Variants in TBC1D26 observed in about 807,000 individuals in gnomAD.
TBC1D26 encodes the protein TBC1 domain family, member 26.
Under a neutral mutation model 42.5 loss-of-function variants are expected in TBC1D26, and 19 were observed. The ratio of observed to expected loss-of-function variants is 0.45; its 90% CI spans 0.31 to 0.66. The LOEUF (loss-of-function observed/expected upper bound fraction) is 0.66, where lower values mean the gene tolerates loss of function less well. Among genes scored for constraint, TBC1D26 ranks in the 30% least tolerant of loss-of-function variants. The probability of loss-of-function intolerance (pLI) is 0.06; values close to 1 mark genes in which losing one functional copy is unlikely to be tolerated. For synonymous variants in TBC1D26, 97 were observed against 123.5 expected (o/e 0.79, Z 1.42); for missense variants, 228 against 332.6 (o/e 0.69, Z 2.45).
chr17:15,739,217 C>T (rs970050023), intron 8 of TBC1D26, among the ~76,000 whole-genome samples: 9 of 150,920 alleles, frequency 6.0e-5, no homozygotes, highest in Non-Finnish European at 1.3e-4. Context: ...GGATGCGGGG[C>T]CCCGGAAACT....
chr17:15,736,235 C>T (rs1299331815), intron 4 of TBC1D26, among the ~76,000 whole-genome samples: 3 of 152,266 alleles, frequency 2.0e-5, no homozygotes, highest in South Asian at 2.1e-4. Flanking sequence ...AACTGAAGGC[C>T]CCGGGAGTGG....
intron 5 of TBC1D26, 103 bp from the exon 6 acceptor site, chr17:15,737,894 C>T: frequency 6.7e-7 from 1 of 1,486,998 alleles, no homozygotes; most frequent in East Asian, 2.3e-5. Flanking sequence ...CTGGCTTCTT[C>T]AAGTTGGGTC....
In TBC1D26 at chr17:15,744,292, A is replaced by G. The variant is rs1030616614; in HGVS notation, c.1107A>G (p.Gln369=). 1 of 152,210 alleles carries G rather than the reference A, an allele frequency of 6.6e-6. No individual in the cohort carries two copies. The allele number at this position is 152,210 out of a possible 1,614,324, so 9.4% of individuals were successfully genotyped here. A position where few individuals can be genotyped will look rare whatever the true frequency, so the allele number is the denominator to read the frequency against. The change falls in exon 15 of 15, where the codon CAA becomes CAG. Residue 369 remains glutamine, a synonymous_variant. Transcript: ENST00000437605. The part of the protein sequence containing the change: ...AHCYTIAWGL[Q]SKAGKDSCTS... ...GCTATACCATAGCCTGGGGCTTGCAATCCAAGGCTGGCAAGGATTCCTGCA... is the reference window on the plus strand; with the variant it reads ...GCTATACCATAGCCTGGGGCTTGCAGTCCAAGGCTGGCAAGGATTCCTGCA...
intron 9 of TBC1D26, 34 bp downstream of exon 9, chr17:15,740,182 A>T: frequency 6.2e-7 from 1 of 1,614,070 alleles, no homozygotes; most frequent in Non-Finnish European, 8.5e-7. Context: ...TTCCTGGGAC[A>T]TGTGCCCATA....
intron 14 of TBC1D26, chr17:15,743,761 T>C (rs550666681): frequency 2.6e-5 from 4 of 152,380 alleles, no homozygotes; most frequent in African/African-American, 9.6e-5. Flanking sequence ...ATCCAGACAA[T>C]CCTGGCTAAC....
chr17:15,739,649 G>C (rs547600610), intron 8 of TBC1D26, among the ~76,000 whole-genome samples: 1 of 152,286 alleles, frequency 6.6e-6, no homozygotes, highest in Non-Finnish European at 1.5e-5. Flanking sequence ...CATAGAGACA[G>C]AGAACAGATC....
At chr17:15,743,574 G>T in intron 14 of TBC1D26, 58 bp downstream of exon 14, 3 of 758,870 alleles carry the variant, frequency 4.0e-6, no homozygotes, top group East Asian at 1.2e-4. Context: ...CAATGGTGGG[G>T]AGTGCCGTGG....
At chr17:15,741,878 C>T in intron 10 of TBC1D26, 64 bp from the exon 11 acceptor site, 1 of 1,551,770 alleles carries the variant, frequency 6.4e-7, no homozygotes, top group East Asian at 2.3e-5. Context: ...CCCAGCTCTT[C>T]CAGCTGATGC....
At position 15,740,090 on chromosome 17, in the gene TBC1D26, T is replaced by G. The variant is rs1319717431; in HGVS notation, c.498-10T>G. 21 of 1,607,604 alleles carry G rather than the reference T, an allele frequency of 1.3e-5. No individual in the cohort carries two copies. Among genetic ancestry groups the G allele is most frequent in the Non-Finnish European group, 1.8e-5 (21 of 1,176,348 alleles). On this transcript the variant is annotated splice_polypyrimidine_tract_variant and intron_variant, in intron 8 of 14. Transcript: ENST00000437605. Reference sequence around the variant, plus strand: ...CACAAAAAAAAAACCCTCTTTCCCCTCTTTTCTAGGCAGCAGGAATTATGT... The same window carrying G: ...CACAAAAAAAAAACCCTCTTTCCCCGCTTTTCTAGGCAGCAGGAATTATGT...
chr17:15,734,176 G>A (rs1414640992), intron 1 of TBC1D26: 3 of 151,846 alleles, frequency 2.0e-5, no homozygotes, highest in Non-Finnish European at 2.9e-5. Context: ...CCTTTGCCAT[G>A]CTGGACTTGA....
chr17:15,742,905 A>G lies in TBC1D26; in HGVS notation c.808-4A>G. The G allele has an allele frequency of 6.5e-6, 1 of 154,730 alleles. No homozygotes were observed. Among genetic ancestry groups the G allele is most frequent in the Non-Finnish European group, 1.4e-5 (1 of 69,358 alleles). The allele number at this position is 154,730 out of a possible 1,614,324, so 9.6% of individuals were successfully genotyped here. Reference sequence around the variant, plus strand: ...AGGTTCTCCCACACTTGCTGTCCCCACAGAAATCCTTCGGGCTCACCCTGA... The same window carrying G: ...AGGTTCTCCCACACTTGCTGTCCCCGCAGAAATCCTTCGGGCTCACCCTGA... On this transcript the variant is annotated splice_region_variant and splice_polypyrimidine_tract_variant and intron_variant, in intron 12 of 14. Transcript: ENST00000437605.
At chr17:15,740,191 T>C (rs1448065244) in intron 9 of TBC1D26, 43 bp downstream of exon 9, 14 of 1,614,188 alleles carry the variant, frequency 8.7e-6, no homozygotes, top group Non-Finnish European at 1.2e-5. Flanking sequence ...CATGTGCCCA[T>C]ATTCACAGGC....
At chr17:15,743,601 A>G (rs1476330310) in intron 14 of TBC1D26, 85 bp downstream of exon 14, 12 of 402,002 alleles carry the variant, frequency 3.0e-5, no homozygotes, top group Non-Finnish European at 4.1e-5. Flanking sequence ...CAGCCCTCCT[A>G]CCTGGTCTTC....
At chr17:15,740,989 C>T (rs1967760458) in intron 9 of TBC1D26, 133 bp from the exon 10 acceptor site, 2 of 1,201,872 alleles carry the variant, frequency 1.7e-6, no homozygotes, top group Non-Finnish European at 2.4e-6. Flanking sequence ...GGTGCAGAGG[C>T]TGCACCTCAA....
intron 8 of TBC1D26, 25 bp downstream of exon 8, chr17:15,738,855 G>T (rs765100156): frequency 6.2e-7 from 1 of 1,609,204 alleles, no homozygotes; most frequent in Non-Finnish European, 8.5e-7. Context: ...GCTTGCAGGG[G>T]TCCCAGGGAA....
At chr17:15,739,215 GGCCCCGGAAACT>G (rs1295416632) in intron 8 of TBC1D26, among the ~76,000 whole-genome samples, 1 of 150,954 alleles carries the variant, frequency 6.6e-6, no homozygotes, top group Non-Finnish European at 1.5e-5. Context: ...AAGGATGCGG[GGCCCCGGAAACT>G]CTCATCCATG....
chr17:15,741,357 C>A, intron 10 of TBC1D26, 136 bp downstream of exon 10: 1 of 1,500,986 alleles, frequency 6.7e-7, no homozygotes, highest in Non-Finnish European at 9.0e-7. Context: ...TTGTTTGGAG[C>A]CTCCAGGATG....
rs1199969937 is a variant in TBC1D26 at position 15,738,543 on chromosome 17, T to C, written c.387+156T>C. On this transcript the variant is annotated intron_variant, in intron 7 of 14. Coordinates refer to ENST00000437605, the MANE Select transcript of TBC1D26 (RefSeq NM_001388465.1). ...TAGATGGTAACTCAGGCACCACAGG[T>C]GCGCTGGGCTCTGCTGACCCTCCCT... The C allele has an allele frequency of 3.3e-5, 43 of 1,318,880 alleles. No homozygotes were observed. The Middle Eastern group carries it at 6.0e-4, about 18-fold the overall frequency. 81.7% of individuals were successfully genotyped at this position (1,318,880 alleles called of 1,614,324 possible).
At chr17:15,743,228 C>T (rs1237496629) in intron 13 of TBC1D26, 139 bp from the exon 14 acceptor site, 1 of 208,338 alleles carries the variant, frequency 4.8e-6, no homozygotes, top group Admixed American at 6.5e-5. Context: ...CAACTGTAGC[C>T]TCCTGTGCAC....
Sources: allele counts gnomAD v4.1 joint callset (sites outside exome capture counted in the v4.1 genomes callset), GRCh38; gene constraint gnomAD v4.1.1; transcripts MANE v1.5; gene names NCBI Gene and HGNC (gene_info 2026-07-23, HGNC 2026-07-21).